Variants in IL1RAPL1 observed in about 807,000 individuals in gnomAD.
The protein encoded by IL1RAPL1 is interleukin-1 receptor accessory protein-like 1.
Under a neutral mutation model 48.4 loss-of-function variants are expected in IL1RAPL1, and 3 were observed. The ratio of observed to expected loss-of-function variants is 0.06; its 90% CI spans 0.03 to 0.16. The LOEUF is 0.16. Ranked by LOEUF, IL1RAPL1 falls within the 10% of genes least tolerant of loss-of-function variation. The pLI is 1.00. For synonymous variants in IL1RAPL1, 185 were observed against 187.7 expected (o/e 0.99, Z 0.12); for missense variants, 349 against 530.6 (o/e 0.66, Z 3.36).
At chrX:28,827,724 G>A (rs1937008436) in intron 2 of IL1RAPL1, among the ~76,000 whole-genome samples, 1 of 111,180 alleles carries the variant, frequency 9.0e-6, no homozygotes. Context: ...TTAAAATGTG[G>A]GTTGTTTTGC....
chrX:29,764,892 A>G (rs896522609), intron 6 of IL1RAPL1, among the ~76,000 whole-genome samples: 6 of 111,893 alleles, frequency 5.4e-5, no homozygotes, highest in African/African-American at 1.9e-4. Flanking sequence ...ATGCCTGTGA[A>G]AAGAACTCAC....
At chrX:28,881,911 G>A (rs2361556) in intron 2 of IL1RAPL1, among the ~76,000 whole-genome samples, 36,879 of 109,111 alleles carry the variant, frequency 0.34, 4,761 homozygotes, top group African/African-American at 0.43. Flanking sequence ...GGGCCAATAT[G>A]TGTATTATGG....
intron 3 of IL1RAPL1, among the ~76,000 whole-genome samples, chrX:29,385,805 T>C (rs1933768373): frequency 8.9e-6 from 1 of 112,513 alleles, no homozygotes; most frequent in Admixed American, 9.4e-5. Context: ...CTATGAATAT[T>C]GGTGTACAAA....
chrX:28,792,069 A>G (rs1458205957), intron 2 of IL1RAPL1, among the ~76,000 whole-genome samples: 1 of 111,931 alleles, frequency 8.9e-6, no homozygotes, highest in Non-Finnish European at 1.9e-5. Context: ...ATTAACCAAG[A>G]GGACTTCTTA....
At chrX:29,340,254 C>T (rs917736410) in intron 3 of IL1RAPL1, among the ~76,000 whole-genome samples, 3 of 111,387 alleles carry the variant, frequency 2.7e-5, no homozygotes, top group Non-Finnish European at 5.6e-5. Flanking sequence ...CGCTGGGCAA[C>T]TACCATCTCT....
intron 1 of IL1RAPL1, among the ~76,000 whole-genome samples, chrX:28,656,910 C>T (rs1315011161): frequency 9.2e-6 from 1 of 108,373 alleles, no homozygotes; most frequent in African/African-American, 3.4e-5. Context: ...CCTGTAGTCC[C>T]AGCTACTCGG....
chrX:29,302,437 G>A (rs1175955422), intron 3 of IL1RAPL1, among the ~76,000 whole-genome samples: 2 of 112,012 alleles, frequency 1.8e-5, no homozygotes, highest in African/African-American at 6.5e-5. Context: ...TTCTGATACA[G>A]AAGTAAAACT....
At chrX:29,712,148 T>C (rs1477310182) in intron 6 of IL1RAPL1, among the ~76,000 whole-genome samples, 1 of 110,166 alleles carries the variant, frequency 9.1e-6, no homozygotes, top group Admixed American at 9.8e-5. Flanking sequence ...TATTTTTCCA[T>C]TGGCTTCTTT....
intron 3 of IL1RAPL1, among the ~76,000 whole-genome samples, chrX:29,319,226 C>G (rs890018395): frequency 1.7e-4 from 18 of 106,536 alleles, no homozygotes; most frequent in African/African-American, 2.4e-4. Context: ...AGGTCTTACT[C>G]TAACAGCCAG....
intron 5 of IL1RAPL1, among the ~76,000 whole-genome samples, chrX:29,407,843 C>T (rs899927433): frequency 8.9e-6 from 1 of 112,178 alleles, no homozygotes; most frequent in African/African-American, 3.2e-5. Flanking sequence ...AAGCCATTTT[C>T]TACTACTTCT....
intron 2 of IL1RAPL1, among the ~76,000 whole-genome samples, chrX:28,957,099 G>A (rs369460176): frequency 2.0e-4 from 22 of 110,402 alleles, no homozygotes; most frequent in South Asian, 7.7e-4. Context: ...CTGTGGGATC[G>A]GTGGTGATAT....
intron 1 of IL1RAPL1, among the ~76,000 whole-genome samples, chrX:28,615,211 T>TGTTTG (rs1555910615): frequency 1.7e-5 from 1 of 59,052 alleles, no homozygotes; most frequent in African/African-American, 5.6e-5. Flanking sequence ...TTTTTTTTTT[T>TGTTTG]TTTTTTTTTT....
At chrX:29,396,168 C>CT (rs1384633451) in intron 3 of IL1RAPL1, 90 bp from the exon 4 acceptor site, 1 of 766,768 alleles carries the variant, frequency 1.3e-6, no homozygotes, top group Non-Finnish European at 2.0e-6. Context: ...GAAGTTTTTG[C>CT]TTTTCTTTTA....
chrX:29,309,209 G>C (rs1932670395), intron 3 of IL1RAPL1, among the ~76,000 whole-genome samples: 1 of 111,564 alleles, frequency 9.0e-6, no homozygotes, highest in African/African-American at 3.3e-5. Flanking sequence ...ATTGCAATAG[G>C]GGCAAGAAAG....
intron 8 of IL1RAPL1, among the ~76,000 whole-genome samples, chrX:29,933,657 C>CAAAAAAAAAAAAAAAAAAAAA (rs1217616087): frequency 2.9e-5 from 1 of 34,120 alleles, no homozygotes. Flanking sequence ...ACAAAATAGA[C>CAAAAAAAAAAAAAAAAAAAAA]AAAAAAAAAA....
chrX:29,639,297 A>T (rs754555349), intron 5 of IL1RAPL1, among the ~76,000 whole-genome samples: 1 of 111,198 alleles, frequency 9.0e-6, no homozygotes, highest in South Asian at 3.8e-4. Flanking sequence ...GCCTGGCTCT[A>T]ATTGTCCTCT....
At position 29,288,730 on chromosome X, in the gene IL1RAPL1, C is replaced by G. The variant is rs939875981; in HGVS notation, c.362+5513C>G. Among the ~76,000 whole-genome samples, 24 of 112,149 alleles carry G rather than the reference C, an allele frequency of 2.1e-4. 1 individual carries two copies. The highest frequency in any genetic ancestry group is 6.8e-4 in the African/African-American group (21 of 30,876). ...TTCTGTTTCTATATCTTTGAGGAAT[C>G]GCCACACTGTCTTCCACAATGGTTG... is the stretch of plus-strand genomic sequence containing the variant. On this transcript the variant is annotated intron_variant, in intron 3 of 10. Coordinates refer to ENST00000378993, the MANE Select transcript of IL1RAPL1 (RefSeq NM_014271.4).
intron 2 of IL1RAPL1, among the ~76,000 whole-genome samples, chrX:28,999,236 ACT>A (rs1056054708): frequency 1.8e-5 from 2 of 111,413 alleles, no homozygotes; most frequent in African/African-American, 6.5e-5. Flanking sequence ...CTACACACAC[ACT>A]CACACACACA....
intron 5 of IL1RAPL1, among the ~76,000 whole-genome samples, chrX:29,468,968 ACCT>A (rs1158328630): frequency 1.8e-5 from 2 of 111,658 alleles, no homozygotes; most frequent in Non-Finnish European, 3.8e-5. Context: ...TAGCATTGGC[ACCT>A]CTTCACAAAA....
Sources: allele counts gnomAD v4.1 joint callset (sites outside exome capture counted in the v4.1 genomes callset), GRCh38; gene constraint gnomAD v4.1.1; transcripts MANE v1.5; gene names NCBI Gene and HGNC (gene_info 2026-07-23, HGNC 2026-07-21).